Variants in IER3IP1 observed in about 807,000 individuals in gnomAD.
The protein encoded by IER3IP1 is immediate early response 3 interacting protein 1, also known as immediate early response 3-interacting protein 1.
In IER3IP1, 16 loss-of-function variants were observed where a neutral mutation model predicts 12.2. The ratio of observed to expected loss-of-function variants is 1.31; its 90% CI spans 0.89 to 1.99. The LOEUF is 1.99. Ranked by LOEUF, IER3IP1 falls within the 30% of genes most tolerant of loss-of-function variation. The probability of loss-of-function intolerance (pLI) is 0.00; values close to 1 mark genes in which losing one functional copy is unlikely to be tolerated. For missense variants in IER3IP1, 95 were observed against 95.8 expected, an observed-to-expected ratio of 0.99 and a Z score of 0.03; for synonymous variants, 42 against 40.0, an observed-to-expected ratio of 1.05 and a Z score of -0.19.
In IER3IP1 at chr18:47,153,362, C is replaced by G. The variant is rs1006163643; in HGVS notation, c.*2815G>C. 1 of 152,098 alleles carries G rather than the reference C, an allele frequency of 6.6e-6. No homozygotes were observed. The highest frequency in any genetic ancestry group is 1.5e-5 in the Non-Finnish European group (1 of 68,054). 9.4% of individuals were successfully genotyped at this position (152,098 alleles called of 1,614,324 possible). A position where few individuals can be genotyped will look rare whatever the true frequency, so the allele number is the denominator to read the frequency against. On this transcript the variant is annotated 3_prime_UTR_variant, in exon 3 of 3. Transcript: ENST00000256433. ...TACTCAGTATGTAGTTTCTGTTTCC[C>G]TCACCCCCTCCCACCCTCCCTAAAG... is the stretch of plus-strand genomic sequence containing the variant.
At chr18:47,175,651 CG>C (rs1235685129) in intron 1 of IER3IP1, among the ~76,000 whole-genome samples, 1 of 152,020 alleles carries the variant, frequency 6.6e-6, no homozygotes, top group African/African-American at 2.4e-5. Context: ...TTAGTAGAGA[CG>C]GGGTTTTACC....
At chr18:47,175,974 C>A (rs933469687) in intron 1 of IER3IP1, among the ~76,000 whole-genome samples, 1 of 152,154 alleles carries the variant, frequency 6.6e-6, no homozygotes, top group Admixed American at 6.5e-5. Flanking sequence ...TCCACCCCAA[C>A]CCCCTGGGCC....
chr18:47,165,385 T>A (rs1243876902), intron 1 of IER3IP1, among the ~76,000 whole-genome samples: 1 of 152,006 alleles, frequency 6.6e-6, no homozygotes, highest in Non-Finnish European at 1.5e-5. Context: ...AAAAACCACC[T>A]CTACTAAAAC....
chr18:47,157,344 C>A, intron 2 of IER3IP1, 92 bp downstream of exon 2: 1 of 1,033,872 alleles, frequency 9.7e-7, no homozygotes, highest in Non-Finnish European at 1.5e-6. Flanking sequence ...ATTCCCACTA[C>A]AAATGGCATA....
chr18:47,171,072 A>T (rs1252983614), intron 1 of IER3IP1, among the ~76,000 whole-genome samples: 9 of 149,888 alleles, frequency 6.0e-5, no homozygotes, highest in Non-Finnish European at 4.5e-5. Flanking sequence ...TTTGTTGAGT[A>T]TTTTTTTTTT....
intron 1 of IER3IP1, among the ~76,000 whole-genome samples, chr18:47,175,243 A>T (rs1238536118): frequency 6.6e-6 from 1 of 152,180 alleles, no homozygotes; most frequent in Non-Finnish European, 1.5e-5. Context: ...TTGAATTTCT[A>T]AATTCTAGCA....
At chr18:47,157,999 G>A (rs567207202) in intron 1 of IER3IP1, among the ~76,000 whole-genome samples, 1 of 152,206 alleles carries the variant, frequency 6.6e-6, no homozygotes, top group South Asian at 2.1e-4. Context: ...ATTACTTGGG[G>A]AAACTTTTAA....
chr18:47,176,144 G>A (rs774904364), intron 1 of IER3IP1, 43 bp downstream of exon 1: 60 of 1,516,966 alleles, frequency 4.0e-5, no homozygotes, highest in Non-Finnish European at 5.1e-5. Context: ...CGCCCCCGGG[G>A]ACTCCGCCGC....
intron 1 of IER3IP1, among the ~76,000 whole-genome samples, chr18:47,164,278 G>GA (rs200085716): frequency 9.5e-4 from 138 of 144,784 alleles, no homozygotes; most frequent in East Asian, 5.4e-3. Context: ...CCACCAGAAT[G>GA]AAAAAAAAAA....
Sources: gnomAD v4.1 joint callset for allele counts (sites outside exome capture counted in the v4.1 genomes callset) on GRCh38, gnomAD v4.1.1 for gene constraint, MANE v1.5 for transcripts, NCBI Gene and HGNC (gene_info 2026-07-23, HGNC 2026-07-21) for gene names.